The following SESN1 variants were observed in gnomAD, a reference collection of about 807,000 sequenced individuals.
SESN1 encodes sestrin 1.
Under a neutral mutation model 59.3 loss-of-function variants are expected in SESN1, and 30 were observed. The ratio of observed to expected loss-of-function variants is 0.51; its 90% CI spans 0.38 to 0.69. The LOEUF (loss-of-function observed/expected upper bound fraction) is 0.69. Ranked by LOEUF, SESN1 falls within the 30% of genes least tolerant of loss-of-function variation. SESN1 has a pLI of 0.00. For synonymous variants in SESN1, 197 were observed against 219.9 expected, an observed-to-expected ratio of 0.90 and a Z score of 0.92; for missense variants, 566 against 673.0, an observed-to-expected ratio of 0.84 and a Z score of 1.76.
At chr6:109,064,305 CT>C (rs1349428346) in intron 1 of SESN1, among the ~76,000 whole-genome samples, 2 of 151,674 alleles carry the variant, frequency 1.3e-5, no homozygotes, top group African/African-American at 4.9e-5. Context: ...CCAGAGTTAG[CT>C]CAGAGTCAAT....
intron 1 of SESN1, among the ~76,000 whole-genome samples, chr6:109,015,017 C>G (rs1779910580): frequency 6.6e-6 from 1 of 152,100 alleles, no homozygotes; most frequent in Admixed American, 6.5e-5. Flanking sequence ...GCCCTGCACA[C>G]AGGAGACCCT....
chr6:109,010,570 T>C (rs1779841694), intron 1 of SESN1, among the ~76,000 whole-genome samples: 1 of 152,228 alleles, frequency 6.6e-6, no homozygotes, highest in Non-Finnish European at 1.5e-5. Context: ...CGTGTCTCAG[T>C]GAAAACTAAG....
At chr6:109,029,246 TC>T (rs1356905904) in intron 1 of SESN1, among the ~76,000 whole-genome samples, 1 of 152,266 alleles carries the variant, frequency 6.6e-6, no homozygotes, top group South Asian at 2.1e-4. Flanking sequence ...GAAAGACTCT[TC>T]CTAGCCACTG....
intron 1 of SESN1, among the ~76,000 whole-genome samples, chr6:109,040,610 T>C (rs1034303884): frequency 3.2e-4 from 48 of 152,224 alleles, no homozygotes; most frequent in African/African-American, 1.1e-3. Flanking sequence ...TTTAACTTCT[T>C]GAAAACAAAT....
At chr6:109,056,181 A>G (rs1327531755) in intron 1 of SESN1, among the ~76,000 whole-genome samples, 1 of 152,178 alleles carries the variant, frequency 6.6e-6, no homozygotes, top group Non-Finnish European at 1.5e-5. Context: ...CCAAGGCAGG[A>G]AGATTGCTTA....
At chr6:109,012,597 G>A (rs1779877100) in intron 1 of SESN1, among the ~76,000 whole-genome samples, 2 of 152,126 alleles carry the variant, frequency 1.3e-5, no homozygotes, top group Non-Finnish European at 2.9e-5. Context: ...GCTTCCTGAA[G>A]GAAAAAGACA....
intron 1 of SESN1, among the ~76,000 whole-genome samples, chr6:109,089,583 T>C (rs1478507280): frequency 6.6e-6 from 1 of 152,178 alleles, no homozygotes; most frequent in Non-Finnish European, 1.5e-5. Context: ...GGATGTCTCA[T>C]AGGCAACTTA....
chr6:109,050,440 A>G (rs1302158069), intron 1 of SESN1, among the ~76,000 whole-genome samples: 1 of 152,082 alleles, frequency 6.6e-6, no homozygotes, highest in Non-Finnish European at 1.5e-5. Context: ...TAGACTTTCC[A>G]TCTTGCAAAG....
intron 1 of SESN1, among the ~76,000 whole-genome samples, chr6:109,073,535 T>C (rs983456330): frequency 4.6e-5 from 7 of 152,140 alleles, no homozygotes; most frequent in Non-Finnish European, 1.5e-5. Context: ...GGCAACAAAC[T>C]AGATTTTGGT....
chr6:109,046,861 G>A (rs948320945), intron 1 of SESN1, among the ~76,000 whole-genome samples: 2 of 130,520 alleles, frequency 1.5e-5, no homozygotes, highest in African/African-American at 5.6e-5. Flanking sequence ...CACCCCGTAT[G>A]AGAAGTGAGG....
At chr6:109,044,937 C>T (rs1281004965) in intron 1 of SESN1, among the ~76,000 whole-genome samples, 2 of 151,832 alleles carry the variant, frequency 1.3e-5, no homozygotes, top group African/African-American at 2.4e-5. Flanking sequence ...GCAAGAGAAT[C>T]GGTTGAACCC....
chr6:108,999,305 G>C (rs1405226672), intron 4 of SESN1, among the ~76,000 whole-genome samples: 1 of 151,920 alleles, frequency 6.6e-6, no homozygotes, highest in Non-Finnish European at 1.5e-5. Flanking sequence ...TTGTAATCTT[G>C]TATAATTTTT....
intron 9 of SESN1, among the ~76,000 whole-genome samples, 156 bp from the exon 10 acceptor site, chr6:108,987,786 T>C (rs912313182): frequency 2.6e-5 from 4 of 151,102 alleles, no homozygotes; most frequent in Admixed American, 6.6e-5. Context: ...AGATTATAAA[T>C]TTCTCAAAAC....
chr6:109,067,582 G>A (rs947389670), intron 1 of SESN1, among the ~76,000 whole-genome samples: 4 of 152,018 alleles, frequency 2.6e-5, no homozygotes, highest in East Asian at 1.9e-4. Flanking sequence ...CCCTCTCTCC[G>A]GTCTTTCCTC....
chr6:109,006,683 C>T (rs1554263421), intron 1 of SESN1, among the ~76,000 whole-genome samples: 1 of 152,118 alleles, frequency 6.6e-6, no homozygotes, highest in Non-Finnish European at 1.5e-5. Flanking sequence ...TGTTATTATA[C>T]AGTAGTAGTC....
At chr6:109,049,793 G>C (rs1038230386) in intron 1 of SESN1, among the ~76,000 whole-genome samples, 2 of 151,098 alleles carry the variant, frequency 1.3e-5, no homozygotes, top group East Asian at 3.9e-4. Flanking sequence ...TAATAGCATA[G>C]AACTGAAAGG....
chr6:109,016,580 T>C (rs1320804143), intron 1 of SESN1, among the ~76,000 whole-genome samples: 1 of 152,262 alleles, frequency 6.6e-6, no homozygotes, highest in African/African-American at 2.4e-5. Context: ...TGCTGTTCAC[T>C]GAACTTTCCT....
chr6:109,002,248 G>A (rs1433915853), intron 2 of SESN1, 30 bp downstream of exon 2: 2 of 1,592,608 alleles, frequency 1.3e-6, no homozygotes, highest in Non-Finnish European at 1.7e-6. Flanking sequence ...AAAGCATACA[G>A]TTCACTATGT....
At chr6:109,006,179 T>C (rs766356132) in intron 1 of SESN1, among the ~76,000 whole-genome samples, 3 of 152,290 alleles carry the variant, frequency 2.0e-5, no homozygotes, top group Non-Finnish European at 4.4e-5. Flanking sequence ...GAAAGAGTAT[T>C]TGGTGTTCTA....
Sources: gnomAD v4.1 joint callset for allele counts (sites outside exome capture counted in the v4.1 genomes callset) on GRCh38, gnomAD v4.1.1 for gene constraint, MANE v1.5 for transcripts, NCBI Gene and HGNC (gene_info 2026-07-23, HGNC 2026-07-21) for gene names.